Variants in KIAA1671 observed in about 807,000 individuals in gnomAD.
KIAA1671 encodes the protein uncharacterized protein KIAA1671.
A neutral mutation model predicts 131.2 loss-of-function variants in KIAA1671; 52 were observed. The ratio of observed to expected loss-of-function variants is 0.40; its 90% confidence interval spans 0.32 to 0.50. The LOEUF is 0.50. KIAA1671 is among the 20% of genes least tolerant of loss of function. The probability of loss-of-function intolerance (pLI) is 0.73; values close to 1 mark genes in which losing one functional copy is unlikely to be tolerated. For missense variants in KIAA1671, 2,360 were observed against 2,364.2 expected (o/e 1.00, Z 0.04); for synonymous variants, 1,003 against 961.6 (o/e 1.04, Z -0.80).
chr22:24,956,579 C>T (rs934774617), intron 1 of KIAA1671, among the ~76,000 whole-genome samples: 2 of 151,588 alleles, frequency 1.3e-5, no homozygotes, highest in African/African-American at 4.8e-5. Flanking sequence ...AGGGAGGGAG[C>T]CAGCCAGCCG....
At chr22:25,085,451 C>T (rs5760839) in intron 6 of KIAA1671, among the ~76,000 whole-genome samples, 5,547 of 152,232 alleles carry the variant, frequency 0.036, 130 homozygotes, top group East Asian at 0.077. Context: ...ACCAAACCCT[C>T]CCTCTGGTGT....
chr22:25,154,912 G>A (rs892040693), intron 6 of KIAA1671, among the ~76,000 whole-genome samples: 1 of 152,180 alleles, frequency 6.6e-6, no homozygotes, highest in African/African-American at 2.4e-5. Context: ...TAGATACGAT[G>A]CTTAACTTCC....
At position 25,029,365 on chromosome 22, in the gene KIAA1671, T is replaced by C. The variant is rs2145788669; in HGVS notation, c.1366T>C (p.Ser456Pro). 3.2e-6 allele frequency: 5 copies of C among 1,550,836 alleles called. No homozygotes were observed. Among genetic ancestry groups the C allele is most frequent in the East Asian group, 4.9e-5 (2 of 40,874 alleles). Reference protein sequence around the residue: ...EDSTLALAVGSESPLATPASP... With the variant: ...EDSTLALAVGPESPLATPASP... ...CAGCACCTTGGCCTTGGCAGTGGGG[T>C]CTGAATCTCCCCTGGCCACCCCTGC... is the stretch of plus-strand genomic sequence containing the variant. The change falls in exon 3 of 13, where the codon TCT (serine) becomes CCT (proline). Residue 456 changes from serine (S) to proline (P), a missense_variant. Coordinates refer to ENST00000358431, the MANE Select transcript of KIAA1671 (RefSeq NM_001145206.2).
rs922219137 is a variant in KIAA1671, at chr22:25,193,207, T to C, written c.*806T>C. 3 of 152,230 alleles carry C rather than the reference T, an allele frequency of 2.0e-5. No individual in the cohort carries two copies. The highest frequency in any genetic ancestry group is 2.9e-5 in the Non-Finnish European group (2 of 68,044). 9.4% of individuals were successfully genotyped at this position (152,230 alleles called of 1,614,324 possible). A position where few individuals can be genotyped will look rare whatever the true frequency, so the allele number is the denominator to read the frequency against. On this transcript the variant is annotated 3_prime_UTR_variant, in exon 13 of 13. Transcript: ENST00000358431. ...TATCCAGTCACCTCAGGTTATCTTA[T>C]CCCTATCCAAGCTGTTTAGAAGTTA... is the stretch of plus-strand genomic sequence containing the variant.
intron 7 of KIAA1671, among the ~76,000 whole-genome samples, 160 bp downstream of exon 7, chr22:25,171,098 A>T (rs1434268241): frequency 6.6e-6 from 1 of 152,164 alleles, no homozygotes. Flanking sequence ...AAGTACAAAA[A>T]AATAATAATA....
chr22:25,024,747 C>G (rs1249918337), intron 1 of KIAA1671: 1 of 152,146 alleles, frequency 6.6e-6, no homozygotes, highest in Non-Finnish European at 1.5e-5. Flanking sequence ...GTATCTGGTG[C>G]TTTTATGTGC....
chr22:25,035,597 C>A (rs368533691), intron 4 of KIAA1671, among the ~76,000 whole-genome samples: 7 of 152,264 alleles, frequency 4.6e-5, no homozygotes, highest in African/African-American at 1.4e-4. Flanking sequence ...TTTTCTGAAT[C>A]ATTTCTTTGA....
intron 6 of KIAA1671, among the ~76,000 whole-genome samples, chr22:25,162,939 T>C (rs1441865786): frequency 1.3e-5 from 2 of 150,284 alleles, no homozygotes. Flanking sequence ...CTGTTTCTGA[T>C]TGGTACTTAA....
At chr22:24,981,062 CTGTGTGTGTGTG>C (rs35906863) in intron 1 of KIAA1671, among the ~76,000 whole-genome samples, 2 of 148,808 alleles carry the variant, frequency 1.3e-5, no homozygotes, top group Non-Finnish European at 3.0e-5. Context: ...TTGTTATTTT[CTGTGTGTGTGTG>C]TGTGTGTGTG....
intron 1 of KIAA1671, among the ~76,000 whole-genome samples, chr22:24,965,507 A>G (rs561287374): frequency 6.7e-6 from 1 of 150,116 alleles, no homozygotes; most frequent in South Asian, 2.1e-4. Flanking sequence ...TTGGGAGGCC[A>G]AGGCAGACAG....
intron 1 of KIAA1671, among the ~76,000 whole-genome samples, chr22:24,998,372 C>A (rs1170738927): frequency 6.6e-6 from 1 of 152,048 alleles, no homozygotes; most frequent in Non-Finnish European, 1.5e-5. Flanking sequence ...ATGACAGCAC[C>A]ACTGCACTCC....
intron 6 of KIAA1671, among the ~76,000 whole-genome samples, chr22:25,150,836 CTTT>C (rs1324671566): frequency 7.9e-6 from 1 of 125,908 alleles, no homozygotes; most frequent in Admixed American, 8.0e-5. Context: ...GGGTCCTTTG[CTTT>C]TTTTTTTTTT....
rs559437315 is a variant in KIAA1671, at chr22:25,101,206, C to T, written c.4530+51842C>T. 8.9e-4 allele frequency among the ~76,000 whole-genome samples: 135 copies of T among 152,322 alleles called. 1 individual carries two copies. The highest frequency in any genetic ancestry group is 3.0e-3 in the African/African-American group (124 of 41,580). On this transcript the variant is annotated intron_variant, in intron 6 of 12. Coordinates refer to ENST00000358431, the MANE Select transcript of KIAA1671 (RefSeq NM_001145206.2). ...AGGGTCTGATTGCCCCCAGAACCACCGGGTGGCCCAGGGAGATAAGTCAGG... is the reference window on the plus strand; with the variant it reads ...AGGGTCTGATTGCCCCCAGAACCACTGGGTGGCCCAGGGAGATAAGTCAGG...
At chr22:25,179,277 C>G (rs1934171021) in intron 9 of KIAA1671, 7 of 1,558,374 alleles carry the variant, frequency 4.5e-6, no homozygotes, top group Non-Finnish European at 6.1e-6. Context: ...AACGTGTTCT[C>G]TCGCAGGATG....
intron 6 of KIAA1671, chr22:25,054,033 CAAAAAAAAAAAA>C (rs56317002): frequency 8.4e-6 from 1 of 118,480 alleles, no homozygotes; most frequent in African/African-American, 3.2e-5. Context: ...TACTAAAATA[CAAAAAAAAAAAA>C]AAAAAAAAGA....
intron 1 of KIAA1671, among the ~76,000 whole-genome samples, chr22:24,969,476 A>G (rs866733963): frequency 1.3e-5 from 2 of 152,198 alleles, no homozygotes; most frequent in South Asian, 2.1e-4. Flanking sequence ...GTACATGTTC[A>G]TTACAGACAC....
At chr22:24,975,147 T>G (rs1922848420) in intron 1 of KIAA1671, among the ~76,000 whole-genome samples, 1 of 152,214 alleles carries the variant, frequency 6.6e-6, no homozygotes, top group African/African-American at 2.4e-5. Flanking sequence ...ACCAGTTTCC[T>G]CCTCGGCCTT....
intron 6 of KIAA1671, among the ~76,000 whole-genome samples, chr22:25,122,524 G>T (rs1166802722): frequency 6.6e-6 from 1 of 152,184 alleles, no homozygotes; most frequent in Non-Finnish European, 1.5e-5. Flanking sequence ...GGATAGCCCT[G>T]CTCTGCTGGG....
rs1373001307 is a variant in KIAA1671 at position 25,029,525 on chromosome 22, C to T, written c.1526C>T (p.Ala509Val). 21 of 1,540,986 alleles carry T rather than the reference C, an allele frequency of 1.4e-5. No individual in the cohort carries two copies. The highest frequency in any genetic ancestry group is 2.5e-5 in the East Asian group (1 of 40,750). Residue 509 changes from alanine to valine, a missense_variant, in exon 3 of 13, where the codon GCG (alanine) becomes GTG (valine). By Grantham distance (64) the Ala-to-Val change is moderately conservative. Around this residue, in one of 3 missense-constraint regions of KIAA1671, gnomAD observed 1,185 missense variants for 1,126.2 expected, o/e 1.05. Coordinates refer to ENST00000358431, the MANE Select transcript of KIAA1671 (RefSeq NM_001145206.2). ...RRTFQARPLS[A>V]DLTKLFSSSA... ...ACGTTCCAGGCTCGGCCGCTGTCGG[C>T]GGATTTGACCAAATTGTAAGTAGGC...
Sources: allele counts gnomAD v4.1 joint callset (sites outside exome capture counted in the v4.1 genomes callset), GRCh38; gene constraint gnomAD v4.1.1; regional missense constraint gnomAD v4.1.1; transcripts MANE v1.5; gene names NCBI Gene and HGNC (gene_info 2026-07-23, HGNC 2026-07-21).